GPRC5D: variants seen among roughly 807,000 people sequenced by gnomAD.
GPRC5D encodes the protein G protein-coupled receptor family C group 5 member D.
Under a neutral mutation model 29.3 loss-of-function variants are expected in GPRC5D, and 20 were observed. The ratio of observed to expected loss-of-function variants is 0.68; its 90% CI spans 0.48 to 0.99. GPRC5D has a LOEUF of 0.99. Ranked by LOEUF, GPRC5D falls within the 50% of genes least tolerant of loss-of-function variation. The pLI, the probability that GPRC5D is intolerant of heterozygous loss-of-function variation, is 0.00. For synonymous variants in GPRC5D, 178 were observed against 171.3 expected, an observed-to-expected ratio of 1.04 and a Z score of -0.30; for missense variants, 384 against 423.6, an observed-to-expected ratio of 0.91 and a Z score of 0.82.
intron 1 of GPRC5D, among the ~76,000 whole-genome samples, chr12:12,944,766 TTCCTTTC>T (rs2136493522): frequency 2.6e-5 from 1 of 38,702 alleles, no homozygotes; most frequent in Non-Finnish European, 9.3e-5. Context: ...CCTTTCTTCC[TTCCTTTC>T]TTCCTTCCTT....
chr12:12,947,942 T>C (rs1863396610), intron 1 of GPRC5D, among the ~76,000 whole-genome samples: 1 of 152,192 alleles, frequency 6.6e-6, no homozygotes, highest in South Asian at 2.1e-4. Flanking sequence ...TGGCAGACTA[T>C]TTCCTGCTCA....
In GPRC5D at chr12:12,942,329, C is replaced by T. The variant is rs766564946; in HGVS notation, c.896-1G>A. 2.5e-6 allele frequency: 4 copies of T among 1,610,018 alleles called. No homozygotes were observed. Among genetic ancestry groups the T allele is most frequent in the South Asian group, 1.1e-5 (1 of 90,994 alleles). ...TCCTCAGCTCCATCACTGTCTCGGG[C>T]TGAAAGCCAAAGGAGGGAAGGGCTG... On this transcript the variant is annotated splice_acceptor_variant, in intron 1 of 2. Coordinates refer to ENST00000228887, the Ensembl canonical transcript of GPRC5D. LOFTEE classifies it high-confidence loss of function.
chr12:12,941,005 A>C (rs1018105452), intron 2 of GPRC5D, among the ~76,000 whole-genome samples, 156 bp from the exon 4 acceptor site: 7 of 152,164 alleles, frequency 4.6e-5, no homozygotes, highest in African/African-American at 1.4e-4. Flanking sequence ...TCTGCCTCAC[A>C]GGTTCAAGCA....
At chr12:12,949,387 C>A (rs1863428486) in intron 1 of GPRC5D, 103 bp downstream of exon 2, 31 of 996,304 alleles carry the variant, frequency 3.1e-5, no homozygotes, top group Non-Finnish European at 4.7e-5. Context: ...CCAAATCTGA[C>A]CATTTTCTTT....
At chr12:12,940,801 G>T (rs558536154) in exon 3 of GPRC5D, 2 of 1,607,594 alleles carry the variant, frequency 1.2e-6, no homozygotes, top group East Asian at 2.2e-5. Context: ...TCTTGCTGGG[G>T]GCTTAGTTTA....
At chr12:12,944,840 TC>T (rs1565477333) in intron 1 of GPRC5D, among the ~76,000 whole-genome samples, 4 of 39,546 alleles carry the variant, frequency 1.0e-4, no homozygotes, top group African/African-American at 2.4e-4. Context: ...CTTCCTTCCT[TC>T]CTTCCTTCCT....
Position 12,950,159 on chromosome 12 carries a change from G to A in GPRC5D, c.226C>T (p.Leu76Phe), listed in dbSNP as rs1160832083. Residue 76 changes from leucine to phenylalanine, a missense_variant, in exon 1 of 3, where the codon CTC becomes TTC. Coordinates refer to ENST00000228887, the Ensembl canonical transcript of GPRC5D. ...AGCTCGATGATGAAGGCAAAAGCGA[G>A]TCCGAAGAGCCCCAGGACACTCAGG... The A allele has an allele frequency of 2.5e-6, 4 of 1,614,092 alleles. No homozygotes were observed. In the South Asian group the frequency reaches 3.3e-5, roughly 13 times the overall value.
At chr12:12,948,851 C>A (rs7358624) in intron 1 of GPRC5D, among the ~76,000 whole-genome samples, 1 of 152,146 alleles carries the variant, frequency 6.6e-6, no homozygotes, top group Non-Finnish European at 1.5e-5. Flanking sequence ...TTTCTTTCTC[C>A]TAATGATCAC....
At chr12:12,945,912 C>A (rs1863303341) in intron 1 of GPRC5D, among the ~76,000 whole-genome samples, 2 of 152,202 alleles carry the variant, frequency 1.3e-5, no homozygotes, top group African/African-American at 2.4e-5. Flanking sequence ...CAGGGACACA[C>A]TTATAACACA....
chr12:12,948,443 A>G (rs900576325), intron 1 of GPRC5D: 6 of 154,404 alleles, frequency 3.9e-5, no homozygotes, highest in African/African-American at 1.4e-4. Context: ...GCCACAGATT[A>G]CAGCTCAAAA....
Position 12,949,883 on chromosome 12 carries a change from C to T in GPRC5D, c.502G>A (p.Val168Met), listed in dbSNP as rs777265161. 3 of 1,614,092 alleles carry T rather than the reference C, an allele frequency of 1.9e-6. No individual in the cohort carries two copies. In the South Asian group the frequency reaches 3.3e-5, roughly 18 times the overall value. Residue 168 changes from valine to methionine, a missense_variant, in exon 1 of 3, where the codon GTG (valine) becomes ATG (methionine). Physicochemically the swap from Val to Met is conservative, Grantham distance 21. Transcript: ENST00000228887. The stretch of plus-strand genomic sequence containing the variant: ...TAGACCAGGAGTACAACAAAGTCCA[C>T]ATTGAGCTGGCAGGGTGTCATATTC...
chr12:12,941,300 A>T (rs748315286), intron 2 of GPRC5D, among the ~76,000 whole-genome samples: 20 of 152,214 alleles, frequency 1.3e-4, no homozygotes, highest in Non-Finnish European at 2.6e-4. Context: ...TACCTATACC[A>T]GGCTACCCCT....
At chr12:12,947,666 G>C (rs1863387038) in intron 1 of GPRC5D, among the ~76,000 whole-genome samples, 1 of 151,380 alleles carries the variant, frequency 6.6e-6, no homozygotes, top group South Asian at 2.1e-4. Context: ...CCAGACTCAA[G>C]TGATCTTCCC....
chr12:12,950,034 C>G (rs1307590278), exon 1 of GPRC5D: 13 of 1,614,032 alleles, frequency 8.1e-6, no homozygotes, highest in Non-Finnish European at 1.1e-5. Context: ...AACCCCGAAC[C>G]AGCTTCACTA....
At position 12,949,637 on chromosome 12, in the gene GPRC5D, C is replaced by T. The variant is rs746762439; in HGVS notation, c.748G>A (p.Ala250Thr). Residue 250 changes from alanine to threonine, a missense_variant, in exon 1 of 3, where the codon GCA (alanine) becomes ACA (threonine). Physicochemically the swap from Ala to Thr is moderately conservative, Grantham distance 58. Coordinates refer to ENST00000228887, the Ensembl canonical transcript of GPRC5D. ...ATGTACAGCAGCAGGAAAACCCATG[C>T]GTTGGTGACCAGAGCAATGCAGACG... The T allele has an allele frequency of 8.7e-6, 14 of 1,614,058 alleles. No individual in the cohort carries two copies. The East Asian group carries it at 1.1e-4, about 13-fold the overall frequency.
intron 1 of GPRC5D, among the ~76,000 whole-genome samples, chr12:12,944,850 C>CTTCCTTCCTTCCTTCCTTCT (rs1565477444): frequency 1.5e-4 from 5 of 34,476 alleles, no homozygotes; most frequent in Admixed American, 3.8e-4. Context: ...TCCTTCCTTC[C>CTTCCTTCCTTCCTTCCTTCT]TTCTTTCTTT....
exon 1 of GPRC5D, chr12:12,949,863 C>T: frequency 1.9e-6 from 3 of 1,614,124 alleles, no homozygotes; most frequent in Non-Finnish European, 2.5e-6. Flanking sequence ...GGACATAGAC[C>T]AGGAGTACAA....
At chr12:12,943,024 C>T (rs933550197) in intron 1 of GPRC5D, among the ~76,000 whole-genome samples, 2 of 152,136 alleles carry the variant, frequency 1.3e-5, no homozygotes, top group African/African-American at 4.8e-5. Context: ...TGATCTTAAA[C>T]CCCTGGCCTC....
At chr12:12,948,498 C>G (rs1863409559) in intron 1 of GPRC5D, 1 of 154,276 alleles carries the variant, frequency 6.5e-6, no homozygotes, top group Admixed American at 6.5e-5. Flanking sequence ...TTTTTTTGAG[C>G]CTGGTGAACA....
Sources: gnomAD v4.1 joint callset for allele counts (sites outside exome capture counted in the v4.1 genomes callset) on GRCh38, gnomAD v4.1.1 for gene constraint, MANE v1.5 for transcripts, NCBI Gene and HGNC (gene_info 2026-07-23, HGNC 2026-07-21) for gene names.